The following VPS13A variants were observed in gnomAD, a reference collection of about 807,000 sequenced individuals.
The protein encoded by VPS13A is vacuolar protein sorting 13 homolog A, also known as intermembrane lipid transfer protein VPS13A.
VPS13A carries 264 observed loss-of-function variants against 390.9 expected under a neutral mutation model. That is an observed-to-expected ratio of 0.68 (90% CI 0.61 to 0.75). The LOEUF is 0.75. Ranked by LOEUF, VPS13A falls within the 30% of genes least tolerant of loss-of-function variation. VPS13A has a pLI of 0.00. For synonymous variants in VPS13A, 1,231 were observed against 1,227.1 expected, an observed-to-expected ratio of 1.00 and a Z score of -0.07; for missense variants, 3,409 against 3,733.9, an observed-to-expected ratio of 0.91 and a Z score of 2.27.
chr9:77,279,012 C>T (rs995773782), intron 26 of VPS13A, among the ~76,000 whole-genome samples: 1 of 152,194 alleles, frequency 6.6e-6, no homozygotes, highest in African/African-American at 2.4e-5. Flanking sequence ...TAGGTGTCTA[C>T]AACCCCTGAA....
chr9:77,377,310 C>T (rs62571461), intron 67 of VPS13A, among the ~76,000 whole-genome samples: 15,205 of 142,780 alleles, frequency 0.11, 783 homozygotes, highest in Middle Eastern at 0.13. Context: ...AGCTCCGCTT[C>T]CCGGGTTCAC....
At chr9:77,180,073 A>G (rs940329578) in intron 1 of VPS13A, among the ~76,000 whole-genome samples, 2 of 152,188 alleles carry the variant, frequency 1.3e-5, no homozygotes, top group African/African-American at 4.8e-5. Context: ...ATATTCCATT[A>G]TATTCATAGA....
intron 67 of VPS13A, among the ~76,000 whole-genome samples, chr9:77,378,385 G>C (rs1031864073): frequency 6.6e-6 from 1 of 151,968 alleles, no homozygotes; most frequent in East Asian, 1.9e-4. Context: ...AGTTTTTATA[G>C]GAATTTGTTC....
chr9:77,260,350 A>AATT, intron 23 of VPS13A, 126 bp downstream of exon 23: 13 of 712,242 alleles, frequency 1.8e-5, no homozygotes, highest in Non-Finnish European at 2.3e-5. Flanking sequence ...TAAGAAAATT[A>AATT]CTTTTTTTTT....
chr9:77,339,024 G>T (rs141395395), intron 47 of VPS13A: 32 of 174,150 alleles, frequency 1.8e-4, no homozygotes, highest in Middle Eastern at 2.8e-3. Flanking sequence ...GAGCAGTTTG[G>T]AGAGATACAT....
In VPS13A at chr9:77,340,699, G is replaced by A. The variant is rs139775114; in HGVS notation, c.7026+149G>A. ...AATCTTTATTGAATATTTGTGCCCT[G>A]CTCTAGATAGATGGGAAGGTTCAAT... On this transcript the variant is annotated intron_variant, in intron 50 of 71. Transcript: ENST00000360280. 1.4e-4 allele frequency: 127 copies of A among 918,520 alleles called. No homozygotes were observed. The East Asian group carries it at 2.8e-3, about 20-fold the overall frequency. The allele number at this position is 918,520 out of a possible 1,614,324, so 56.9% of individuals were successfully genotyped here.
chr9:77,331,142 T>A (rs907543794), intron 45 of VPS13A, among the ~76,000 whole-genome samples: 4 of 150,920 alleles, frequency 2.7e-5, no homozygotes, highest in African/African-American at 4.9e-5. Context: ...CATTTTTTTT[T>A]ATAATGAAAG....
At chr9:77,180,727 A>G (rs931632016) in intron 1 of VPS13A, among the ~76,000 whole-genome samples, 1 of 152,242 alleles carries the variant, frequency 6.6e-6, no homozygotes, top group African/African-American at 2.4e-5. Flanking sequence ...TTTCGTAAAA[A>G]AAAAATCAGT....
At chr9:77,322,540 T>C (rs1355284166) in intron 44 of VPS13A, among the ~76,000 whole-genome samples, 1 of 120,754 alleles carries the variant, frequency 8.3e-6, no homozygotes, top group East Asian at 2.1e-4. Context: ...ATTTTACGTC[T>C]TTTTTTTTAA....
chr9:77,293,632 G>T, intron 32 of VPS13A, 124 bp downstream of exon 32: 2 of 500,032 alleles, frequency 4.0e-6, no homozygotes, highest in African/African-American at 2.0e-5. Context: ...AATCTTCTGG[G>T]TACCATTTAT....
chr9:77,257,210 T>C (rs1404769256), intron 22 of VPS13A, among the ~76,000 whole-genome samples: 1 of 152,146 alleles, frequency 6.6e-6, no homozygotes, highest in East Asian at 1.9e-4. Context: ...TATAATATCC[T>C]CAAGTTATAA....
intron 23 of VPS13A, among the ~76,000 whole-genome samples, chr9:77,269,353 T>G (rs1280455903): frequency 2.0e-5 from 3 of 152,214 alleles, no homozygotes; most frequent in Non-Finnish European, 4.4e-5. Context: ...ACTATATATG[T>G]GTAAGTCTAT....
At position 77,369,280 on chromosome 9, in the gene VPS13A, G is replaced by A. The variant is rs1832614673; in HGVS notation, c.8554-19G>A. ...GATCTAATTATCTGAATTGATTAAT[G>A]TTCATATTTTATTTTTAGGCCATTA... On this transcript the variant is annotated intron_variant, in intron 62 of 71. Transcript: ENST00000360280. The A allele has an allele frequency of 2.6e-6, 4 of 1,523,582 alleles. No homozygotes were observed. Among genetic ancestry groups the A allele is most frequent in the Non-Finnish European group, 3.6e-6 (4 of 1,097,516 alleles). 94.4% of individuals were successfully genotyped at this position (1,523,582 alleles called of 1,614,324 possible).
Position 77,416,317 on chromosome 9 carries a change from CT to C in VPS13A, c.*316del. 1 of 308,444 alleles carries C rather than the reference CT, an allele frequency of 3.2e-6. No homozygotes were observed. The highest frequency in any genetic ancestry group is 6.2e-6 in the Non-Finnish European group (1 of 160,488). 19.1% of individuals were successfully genotyped at this position (308,444 alleles called of 1,614,324 possible). A position where few individuals can be genotyped will look rare whatever the true frequency, so the allele number is the denominator to read the frequency against. On this transcript the variant is annotated 3_prime_UTR_variant, in exon 72 of 72. Coordinates refer to ENST00000360280, the MANE Select transcript of VPS13A (RefSeq NM_033305.3). Reference sequence around the variant, plus strand: ...TATGAATCTTAAGTATTTGCTCCATCTTTTTCTCTGTAATGGTGGAGAGGCT... The same window carrying C: ...TATGAATCTTAAGTATTTGCTCCATCTTTTCTCTGTAATGGTGGAGAGGCT...
rs1830599381 is a variant in VPS13A, at chr9:77,337,492, C to T, written c.6333C>T (p.Ile2111=). 3 of 1,613,202 alleles carry T rather than the reference C, an allele frequency of 1.9e-6. No homozygotes were observed. Among genetic ancestry groups the T allele is most frequent in the Non-Finnish European group, 2.5e-6 (3 of 1,179,662 alleles). ...LPYIMHLWPP[I]LLRNLLPYKI... ...ACATAATGCATTTGTGGCCACCTAT[C>T]CTGCTCCGAAATCTTCTTCCTTACA... Residue 2111 remains isoleucine (I), a synonymous_variant, in exon 47 of 72, where the codon ATC becomes ATT. Coordinates refer to ENST00000360280, the MANE Select transcript of VPS13A (RefSeq NM_033305.3).
intron 55 of VPS13A, among the ~76,000 whole-genome samples, chr9:77,357,212 A>G (rs562905259): frequency 8.5e-4 from 127 of 148,728 alleles, no homozygotes; most frequent in African/African-American, 3.0e-3. Context: ...CCCGCTATTC[A>G]GGAGGCTGAG....
At chr9:77,377,305 C>T (rs944133082) in intron 67 of VPS13A, among the ~76,000 whole-genome samples, 1 of 148,010 alleles carries the variant, frequency 6.8e-6, no homozygotes, top group African/African-American at 2.5e-5. Flanking sequence ...CTGCAAGCTC[C>T]GCTTCCCGGG....
chr9:77,396,237 A>G (rs1260083152), intron 68 of VPS13A, among the ~76,000 whole-genome samples: 1 of 152,186 alleles, frequency 6.6e-6, no homozygotes, highest in African/African-American at 2.4e-5. Flanking sequence ...AGTTGATGAC[A>G]ACAATTCGTA....
At chr9:77,296,293 G>A (rs969789205) in intron 33 of VPS13A, among the ~76,000 whole-genome samples, 1 of 152,118 alleles carries the variant, frequency 6.6e-6, no homozygotes, top group Non-Finnish European at 1.5e-5. Context: ...ACCTGTATTC[G>A]TTAAGCATAG....
Sources: allele counts gnomAD v4.1 joint callset (sites outside exome capture counted in the v4.1 genomes callset), GRCh38; gene constraint gnomAD v4.1.1; transcripts MANE v1.5; gene names NCBI Gene and HGNC (gene_info 2026-07-23, HGNC 2026-07-21).